Variants in NELL2 observed in about 807,000 individuals in gnomAD.
The protein encoded by NELL2 is protein kinase C-binding protein NELL2.
NELL2 carries 41 observed loss-of-function variants against 109.6 expected under a neutral mutation model. The ratio of observed to expected loss-of-function variants is 0.37; its 90% CI spans 0.29 to 0.49. The LOEUF (loss-of-function observed/expected upper bound fraction) is 0.49. NELL2 is among the 20% of genes least tolerant of loss of function. NELL2 has a pLI of 0.98. For missense variants in NELL2, 900 were observed against 1,008.3 expected, an observed-to-expected ratio of 0.89 and a Z score of 1.45; for synonymous variants, 355 against 344.7, an observed-to-expected ratio of 1.03 and a Z score of -0.33.
rs764881406 is a variant in NELL2 at position 44,661,694 on chromosome 12, CA to C, written c.1444+3789del. On this transcript the variant is annotated intron_variant, in intron 13 of 19. Coordinates refer to ENST00000429094, the MANE Select transcript of NELL2 (RefSeq NM_001145108.2). ...TTAATTAATGCTTACGTGAGTGAAC[CA>C]AAAAAAGCCATTCGTCCATATAAGT... Among the ~76,000 whole-genome samples, 5 of 151,878 alleles carry C rather than the reference CA, an allele frequency of 3.3e-5. No individual in the cohort carries two copies. In the East Asian group the frequency reaches 7.7e-4, roughly 24 times the overall value.
intron 9 of NELL2, among the ~76,000 whole-genome samples, chr12:44,725,460 C>T (rs975819134): frequency 1.3e-5 from 2 of 152,114 alleles, no homozygotes; most frequent in African/African-American, 4.8e-5. Context: ...CTCAAAAAAA[C>T]TAAAAGCAGA....
chr12:44,579,193 C>A (rs1355965123), intron 15 of NELL2, among the ~76,000 whole-genome samples: 1 of 152,174 alleles, frequency 6.6e-6, no homozygotes, highest in African/African-American at 2.4e-5. Context: ...GGAGAGCATG[C>A]ATCACTTTAG....
chr12:44,757,581 T>A (rs1215453975), intron 9 of NELL2, among the ~76,000 whole-genome samples: 12 of 152,172 alleles, frequency 7.9e-5, no homozygotes, highest in African/African-American at 2.9e-4. Context: ...ATTTTCTTTT[T>A]AATGATGATA....
intron 3 of NELL2, among the ~76,000 whole-genome samples, chr12:44,784,310 G>A (rs894712456): frequency 1.3e-5 from 2 of 151,886 alleles, no homozygotes; most frequent in East Asian, 1.9e-4. Flanking sequence ...GCTCTGGTCA[G>A]TGCAATAAGA....
At chr12:44,577,465 GTTTTTTTTTTTT>G (rs746239984) in intron 15 of NELL2, among the ~76,000 whole-genome samples, 1 of 83,438 alleles carries the variant, frequency 1.2e-5, no homozygotes, top group Non-Finnish European at 2.2e-5. Flanking sequence ...CAGATGAGTA[GTTTTTTTTTTTT>G]TTTTTTTTTT....
intron 12 of NELL2, among the ~76,000 whole-genome samples, chr12:44,692,950 A>G (rs1386656495): frequency 1.3e-5 from 2 of 152,228 alleles, no homozygotes; most frequent in Non-Finnish European, 1.5e-5. Context: ...CCAAGAATTT[A>G]GAATATCACA....
chr12:44,624,626 C>G (rs760266606), intron 13 of NELL2, among the ~76,000 whole-genome samples: 18 of 152,106 alleles, frequency 1.2e-4, no homozygotes, highest in Non-Finnish European at 1.8e-4. Flanking sequence ...TCCATTCACT[C>G]ACTCACAATA....
intron 9 of NELL2, among the ~76,000 whole-genome samples, chr12:44,746,151 A>G (rs1449871596): frequency 1.3e-5 from 2 of 152,218 alleles, no homozygotes; most frequent in Admixed American, 6.5e-5. Context: ...CCGCGTATCT[A>G]CAACTATCTG....
intron 14 of NELL2, among the ~76,000 whole-genome samples, chr12:44,609,644 C>T (rs1468937716): frequency 6.6e-6 from 1 of 151,656 alleles, no homozygotes; most frequent in Non-Finnish European, 1.5e-5. Context: ...ATTTGAATCC[C>T]CAAATAATTA....
chr12:44,627,018 C>A (rs1055925577), intron 13 of NELL2, among the ~76,000 whole-genome samples: 1 of 152,088 alleles, frequency 6.6e-6, no homozygotes, highest in Non-Finnish European at 1.5e-5. Context: ...AATCCCAGAA[C>A]GTGAAAGCTT....
chr12:44,824,848 C>G (rs1592606668), intron 2 of NELL2, among the ~76,000 whole-genome samples: 1 of 150,608 alleles, frequency 6.6e-6, no homozygotes, highest in Non-Finnish European at 1.5e-5. Context: ...GTAGCTGGGA[C>G]TACAGGCACC....
chr12:44,518,471 T>G (rs1338811428), intron 19 of NELL2, among the ~76,000 whole-genome samples: 2 of 152,144 alleles, frequency 1.3e-5, no homozygotes, highest in Non-Finnish European at 2.9e-5. Context: ...GGTCTCGATC[T>G]CCTGACCTTG....
At chr12:44,834,445 T>C (rs1330890598) in intron 2 of NELL2, among the ~76,000 whole-genome samples, 2 of 151,668 alleles carry the variant, frequency 1.3e-5, no homozygotes, top group East Asian at 1.9e-4. Context: ...TCTTTTTTTT[T>C]TTTTTTTTGT....
chr12:44,671,743 T>C (rs999032558), intron 12 of NELL2, among the ~76,000 whole-genome samples: 6 of 152,102 alleles, frequency 3.9e-5, no homozygotes, highest in African/African-American at 7.2e-5. Flanking sequence ...AACAGATCAA[T>C]AGCAAGTAAC....
chr12:44,695,724 C>T (rs1452206816), intron 12 of NELL2, among the ~76,000 whole-genome samples: 2 of 152,122 alleles, frequency 1.3e-5, no homozygotes, highest in African/African-American at 4.8e-5. Context: ...ATAAAGCTTT[C>T]ATCATCATAG....
At chr12:44,713,221 GAGAC>G (rs1157536835) in intron 10 of NELL2, among the ~76,000 whole-genome samples, 6 of 148,308 alleles carry the variant, frequency 4.0e-5, no homozygotes, top group Non-Finnish European at 7.5e-5. Context: ...CACACAGAGA[GAGAC>G]AGAGAGAGAG....
intron 1 of NELL2, chr12:44,875,585 A>G: frequency 1.2e-6 from 2 of 1,613,774 alleles, no homozygotes; most frequent in Non-Finnish European, 1.7e-6. Flanking sequence ...TTCTCTCTGC[A>G]AAGTTCCCCC....
chr12:44,659,606 C>A (rs1425326672), intron 13 of NELL2, among the ~76,000 whole-genome samples: 1 of 152,166 alleles, frequency 6.6e-6, no homozygotes, highest in Non-Finnish European at 1.5e-5. Flanking sequence ...AAAAGCTCAT[C>A]ATCTCTGGTC....
intron 13 of NELL2, among the ~76,000 whole-genome samples, chr12:44,633,015 A>G (rs1441219736): frequency 1.3e-5 from 2 of 152,098 alleles, no homozygotes; most frequent in Non-Finnish European, 2.9e-5. Context: ...AAATAGGAAA[A>G]GAAAGTAGGA....
Sources: allele counts gnomAD v4.1 joint callset (sites outside exome capture counted in the v4.1 genomes callset), GRCh38; gene constraint gnomAD v4.1.1; transcripts MANE v1.5; gene names NCBI Gene and HGNC (gene_info 2026-07-23, HGNC 2026-07-21).